The following KCNIP4 variants were observed in gnomAD, a reference collection of about 807,000 sequenced individuals.
KCNIP4 encodes potassium voltage-gated channel interacting protein 4.
In KCNIP4, 12 loss-of-function variants were observed where a neutral mutation model predicts 34.0. That is an observed-to-expected ratio of 0.35 (90% CI 0.23 to 0.57). The LOEUF is 0.57. Among genes scored for constraint, KCNIP4 ranks in the 20% least tolerant of loss-of-function variants. The pLI is 0.83. For synonymous variants in KCNIP4, 124 were observed against 102.2 expected, an observed-to-expected ratio of 1.21 and a Z score of -1.29; for missense variants, 238 against 311.7, an observed-to-expected ratio of 0.76 and a Z score of 1.78.
At chr4:21,195,091 C>T (rs899027992) in intron 1 of KCNIP4, among the ~76,000 whole-genome samples, 2 of 152,172 alleles carry the variant, frequency 1.3e-5, no homozygotes, top group Non-Finnish European at 2.9e-5. Context: ...TCCTGGGAAT[C>T]ACATGACCCT....
At chr4:21,301,652 A>T (rs923674879) in intron 1 of KCNIP4, among the ~76,000 whole-genome samples, 2 of 152,196 alleles carry the variant, frequency 1.3e-5, no homozygotes, top group Admixed American at 6.5e-5. Context: ...AAAGTTTCAG[A>T]AGAAAACTAT....
At chr4:20,830,764 T>A (rs1718328625) in intron 3 of KCNIP4, among the ~76,000 whole-genome samples, 1 of 152,216 alleles carries the variant, frequency 6.6e-6, no homozygotes, top group African/African-American at 2.4e-5. Context: ...TTACTATCCA[T>A]CTCCCAAGTG....
chr4:21,781,660 G>C (rs1197359208), intron 1 of KCNIP4, among the ~76,000 whole-genome samples: 1 of 151,858 alleles, frequency 6.6e-6, no homozygotes, highest in Non-Finnish European at 1.5e-5. Context: ...AGAATAAAAA[G>C]AAAAAAATTA....
intron 1 of KCNIP4, among the ~76,000 whole-genome samples, chr4:21,375,254 C>T (rs1720857080): frequency 7.6e-6 from 1 of 130,844 alleles, no homozygotes; most frequent in Non-Finnish European, 1.5e-5. Flanking sequence ...AAGGGTGTGA[C>T]ATGTGTGTTC....
intron 1 of KCNIP4, among the ~76,000 whole-genome samples, chr4:20,952,866 G>C (rs1732920517): frequency 6.6e-6 from 1 of 152,198 alleles, no homozygotes; most frequent in African/African-American, 2.4e-5. Flanking sequence ...AAGATCAAGT[G>C]CTGGGAGATT....
At chr4:21,857,135 G>A (rs1724810587) in intron 1 of KCNIP4, among the ~76,000 whole-genome samples, 1 of 152,210 alleles carries the variant, frequency 6.6e-6, no homozygotes, top group Non-Finnish European at 1.5e-5. Context: ...TGCAGAGTGG[G>A]AACTTATGTT....
chr4:21,272,566 A>T (rs776461202), intron 1 of KCNIP4, among the ~76,000 whole-genome samples: 1 of 152,150 alleles, frequency 6.6e-6, no homozygotes, highest in Non-Finnish European at 1.5e-5. Flanking sequence ...TTCCTTTTCC[A>T]GTCTTTTCAC....
chr4:21,910,388 T>C (rs1728236003), intron 1 of KCNIP4, among the ~76,000 whole-genome samples: 1 of 152,132 alleles, frequency 6.6e-6, no homozygotes. Flanking sequence ...TTACATGATT[T>C]CTCATGAAAT....
intron 1 of KCNIP4, among the ~76,000 whole-genome samples, chr4:21,610,873 G>A (rs964761585): frequency 6.6e-6 from 1 of 152,004 alleles, no homozygotes; most frequent in Non-Finnish European, 1.5e-5. Flanking sequence ...GAACGTGCAG[G>A]TTTGCTACAT....
At chr4:21,153,620 T>G (rs555434168) in intron 1 of KCNIP4, among the ~76,000 whole-genome samples, 10 of 151,810 alleles carry the variant, frequency 6.6e-5, no homozygotes, top group African/African-American at 2.4e-4. Context: ...AATTATCCCA[T>G]TGTCTGGACA....
chr4:21,528,873 G>A (rs1185253178), intron 1 of KCNIP4, among the ~76,000 whole-genome samples: 5 of 147,464 alleles, frequency 3.4e-5, no homozygotes, highest in South Asian at 2.2e-4. Context: ...GGAAGGAAGG[G>A]AAATTCAATT....
chr4:21,516,674 CTGG>C (rs1734791530), intron 1 of KCNIP4, among the ~76,000 whole-genome samples: 5 of 152,170 alleles, frequency 3.3e-5, no homozygotes, highest in African/African-American at 9.7e-5. Context: ...GGAGTTGTGT[CTGG>C]GAAGAGTTTT....
intron 1 of KCNIP4, among the ~76,000 whole-genome samples, chr4:21,879,323 T>A (rs1214551140): frequency 6.6e-6 from 1 of 152,274 alleles, no homozygotes; most frequent in African/African-American, 2.4e-5. Context: ...GCAAACCCCA[T>A]GAACTGGAAA....
At chr4:20,763,907 C>T (rs1039353278) in intron 3 of KCNIP4, among the ~76,000 whole-genome samples, 5 of 152,098 alleles carry the variant, frequency 3.3e-5, no homozygotes, top group Admixed American at 1.3e-4. Flanking sequence ...AAATTGTCTC[C>T]ATTTCCCAGG....
In KCNIP4 at chr4:21,012,394, C is replaced by G. The variant is rs563519543; in HGVS notation, c.62-129685G>C. ...AGGAGTTCAAGACCAGCCTGGGCAG[C>G]ATAATGAGTCCACATCTTCACAAAA... On this transcript the variant is annotated intron_variant, in intron 1 of 8. Transcript: ENST00000382152. Among the ~76,000 whole-genome samples, 19 of 152,098 alleles carry G rather than the reference C, an allele frequency of 1.2e-4. 1 individual carries two copies. The highest frequency in any genetic ancestry group is 2.7e-4 in the African/African-American group (11 of 41,490).
intron 1 of KCNIP4, among the ~76,000 whole-genome samples, chr4:21,795,128 T>A (rs994886396): frequency 6.6e-6 from 1 of 152,036 alleles, no homozygotes; most frequent in Non-Finnish European, 1.5e-5. Context: ...AAGGAGGTGA[T>A]GAAGTTAAAA....
At chr4:21,841,941 G>A (rs894473750) in intron 1 of KCNIP4, among the ~76,000 whole-genome samples, 7 of 152,070 alleles carry the variant, frequency 4.6e-5, no homozygotes, top group Admixed American at 2.0e-4. Context: ...TAAAGGTGGC[G>A]TCCTTCAGCA....
intron 1 of KCNIP4, among the ~76,000 whole-genome samples, chr4:21,475,681 C>T (rs762760008): frequency 6.6e-6 from 1 of 152,088 alleles, no homozygotes; most frequent in African/African-American, 2.4e-5. Flanking sequence ...GAACAGTCCT[C>T]GAAATGCAAA....
chr4:20,877,710 T>C (rs1203395438), intron 2 of KCNIP4, among the ~76,000 whole-genome samples: 1 of 152,218 alleles, frequency 6.6e-6, no homozygotes, highest in African/African-American at 2.4e-5. Context: ...TATGAAATTT[T>C]CTTTTCCTCT....
Sources: allele counts gnomAD v4.1 joint callset (sites outside exome capture counted in the v4.1 genomes callset), GRCh38; gene constraint gnomAD v4.1.1; transcripts MANE v1.5; gene names NCBI Gene and HGNC (gene_info 2026-07-23, HGNC 2026-07-21).